The following ADGRE1 variants were observed in gnomAD, a reference collection of about 807,000 sequenced individuals.
ADGRE1 encodes the protein adhesion G protein-coupled receptor E1.
ADGRE1 carries 82 observed loss-of-function variants against 102.7 expected under a neutral mutation model. The observed-to-expected ratio is 0.80, with a 90% CI of 0.67 to 0.96. The LOEUF is 0.96. ADGRE1 is among the 40% of genes least tolerant of loss of function. ADGRE1 has a pLI of 0.00. For synonymous variants in ADGRE1, 398 were observed against 399.6 expected (o/e 1.00, Z 0.05); for missense variants, 1,032 against 1,085.3 (o/e 0.95, Z 0.69).
intron 12 of ADGRE1, among the ~76,000 whole-genome samples, chr19:6,917,509 T>G (rs1974438832): frequency 6.6e-6 from 1 of 151,476 alleles, no homozygotes; most frequent in African/African-American, 2.4e-5. Flanking sequence ...GAGGTGGAGG[T>G]GGGTGGATCA....
At chr19:6,909,623 C>T (rs369235888) in intron 10 of ADGRE1, among the ~76,000 whole-genome samples, 1 of 152,210 alleles carries the variant, frequency 6.6e-6, no homozygotes, top group African/African-American at 2.4e-5. Context: ...AGCACATTCT[C>T]ATTGCTGTAT....
rs1568354318 is a variant in ADGRE1 at position 6,919,603 on chromosome 19, G to A, written c.1476G>A (p.Glu492=). ...SFVGMESVLN[E]RFFKDHQAPL... is the part of the protein sequence containing the mutation. ...TGGGCATGGAATCGGTTTTAAATGAGCGCTTCTTCAAAGACCACCAGGCTC... is the reference window on the plus strand; with the variant it reads ...TGGGCATGGAATCGGTTTTAAATGAACGCTTCTTCAAAGACCACCAGGCTC... The change falls in exon 13 of 21, where the codon GAG becomes GAA. Residue 492 remains glutamate (E), a synonymous_variant. Coordinates refer to ENST00000312053, the MANE Select transcript of ADGRE1 (RefSeq NM_001974.5). The A allele has an allele frequency of 3.1e-6, 5 of 1,613,400 alleles. No individual in the cohort carries two copies. The highest frequency in any genetic ancestry group is 3.4e-6 in the Non-Finnish European group (4 of 1,179,908).
At chr19:6,929,053 C>T (rs1040076125) in intron 17 of ADGRE1, among the ~76,000 whole-genome samples, 2 of 152,114 alleles carry the variant, frequency 1.3e-5, no homozygotes, top group African/African-American at 4.8e-5. Flanking sequence ...GGCAAATACC[C>T]CTGGGAGGGA....
Position 6,924,813 on chromosome 19 carries a change from G to C in ADGRE1, c.1927G>C (p.Val643Leu), listed in dbSNP as rs369718261. The C allele has an allele frequency of 6.2e-7, 1 of 1,613,952 alleles. No individual in the cohort carries two copies. The change falls in exon 15 of 21, where the codon GTG becomes CTG. Residue 643 changes from valine (V) to leucine (L), a missense_variant. Transcript: ENST00000312053. Reference sequence around the variant, plus strand: ...CACCTACCTCCACCTGCACCTCTGCGTGTGTCTCCTCTTGGCGAAGACTCT... The same window carrying C: ...CACCTACCTCCACCTGCACCTCTGCCTGTGTCTCCTCTTGGCGAAGACTCT... Reference protein sequence around the residue: ...HNTYLHLHLCVCLLLAKTLFL... With the variant: ...HNTYLHLHLCLCLLLAKTLFL...
rs973896253 is a variant in ADGRE1, at chr19:6,926,926, G to A, written c.2222+325G>A. 2.0e-5 allele frequency among the ~76,000 whole-genome samples: 3 copies of A among 152,180 alleles called. No individual in the cohort carries two copies. The South Asian group carries it at 6.2e-4, about 32-fold the overall frequency. On this transcript the variant is annotated intron_variant, in intron 16 of 20. Coordinates refer to ENST00000312053, the MANE Select transcript of ADGRE1 (RefSeq NM_001974.5). ...GGGAAAGGAATACTTCTGCATGGTG[G>A]TGTGCACCTGTAATCCCAGCTACTC...
intron 13 of ADGRE1, 140 bp from the exon 14 acceptor site, chr19:6,921,573 A>G (rs1204632887): frequency 2.0e-6 from 2 of 1,000,824 alleles, no homozygotes; most frequent in Non-Finnish European, 2.8e-6. Context: ...GCATAATGAA[A>G]TACCAGCATT....
Position 6,924,689 on chromosome 19 carries a change from C to T in ADGRE1, c.1803C>T (p.Ser601=), listed in dbSNP as rs972254226. Reference sequence around the variant, plus strand: ...TTCCTTCCTGACAGATGGACTTTTCCTTGTACATCATTAGCCATGTAGGCA... The same window carrying T: ...TTCCTTCCTGACAGATGGACTTTTCTTTGTACATCATTAGCCATGTAGGCA... ...MASGELTMDF[S]LYIISHVGII... The change falls in exon 15 of 21, where the codon TCC becomes TCT. Residue 601 remains serine, a synonymous_variant. Coordinates refer to ENST00000312053, the MANE Select transcript of ADGRE1 (RefSeq NM_001974.5). 6.2e-7 allele frequency: 1 copy of T among 1,613,888 alleles called. No individual in the cohort carries two copies. The highest frequency in any genetic ancestry group is 8.5e-7 in the Non-Finnish European group (1 of 1,179,838).
intron 10 of ADGRE1, 32 bp from the exon 11 acceptor site, chr19:6,913,621 G>A: frequency 6.5e-7 from 1 of 1,535,694 alleles, no homozygotes; most frequent in Non-Finnish European, 8.8e-7. Context: ...GAGAGAGAGA[G>A]AGAGAATGAA....
chr19:6,908,608 G>C (rs1415032885), intron 9 of ADGRE1, 81 bp from the exon 10 acceptor site: 5 of 1,292,782 alleles, frequency 3.9e-6, no homozygotes, highest in Non-Finnish European at 5.3e-6. Context: ...GGCTTTATGG[G>C]CTAATTTGTA....
intron 10 of ADGRE1, among the ~76,000 whole-genome samples, chr19:6,911,566 CTA>C (rs1974184762): frequency 6.6e-6 from 1 of 151,412 alleles, no homozygotes; most frequent in Non-Finnish European, 1.5e-5. Flanking sequence ...GTATCTTCCC[CTA>C]TCTTTTTACC....
chr19:6,926,569 T>G lies in ADGRE1; in HGVS notation c.2190T>G (p.Ser730Arg). ...LPMLVVVISA[S>R]VQPQGYGMHN... ...TGCTGGTGGTGGTGATCTCTGCCAG[T>G]GTGCAGCCACAGGGCTATGGAATGC... is the stretch of plus-strand genomic sequence containing the variant. Residue 730 changes from serine to arginine, a missense_variant, in exon 16 of 21, where the codon AGT (serine) becomes AGG (arginine). Physicochemically the swap from Ser to Arg is moderately radical, Grantham distance 110. Coordinates refer to ENST00000312053, the MANE Select transcript of ADGRE1 (RefSeq NM_001974.5). 6.2e-7 allele frequency: 1 copy of G among 1,614,218 alleles called. No individual in the cohort carries two copies. Among genetic ancestry groups the G allele is most frequent in the South Asian group, 1.1e-5 (1 of 91,086 alleles).
chr19:6,901,802 C>T, intron 5 of ADGRE1, 73 bp from the exon 6 acceptor site: 1 of 1,488,126 alleles, frequency 6.7e-7, no homozygotes, highest in South Asian at 1.2e-5. Flanking sequence ...ACTCAGAGTG[C>T]ATCTCCTATT....
chr19:6,935,171 T>A (rs898897609), intron 18 of ADGRE1, 93 bp downstream of exon 18: 3 of 899,712 alleles, frequency 3.3e-6, no homozygotes, highest in Non-Finnish European at 4.9e-6. Context: ...CTGGGTCCTA[T>A]GCCTGAGACA....
rs1428716676 is a variant in ADGRE1 at position 6,903,870 on chromosome 19, G to T, written c.722G>T (p.Ser241Ile). ...INSTCTNTPG[S>I]YFCTCHPGFA... is the part of the protein sequence containing the mutation. The stretch of plus-strand genomic sequence containing the variant: ...TCAACATGCACCAACACTCCTGGGA[G>T]CTACTTTTGCACCTGCCACCCTGGC... The change falls in exon 7 of 21, where the codon AGC (serine) becomes ATC (isoleucine). Residue 241 changes from serine to isoleucine, a missense_variant. By Grantham distance (142) the Ser-to-Ile change is moderately radical. Transcript: ENST00000312053. 6.2e-7 allele frequency: 1 copy of T among 1,614,064 alleles called. No individual in the cohort carries two copies. The highest frequency in any genetic ancestry group is 1.3e-5 in the African/African-American group (1 of 74,932).
chr19:6,890,673 A>G lies in ADGRE1; in HGVS notation c.94+130A>G, dbSNP rs1973335814. On this transcript the variant is annotated intron_variant, in intron 2 of 20. Coordinates refer to ENST00000312053, the MANE Select transcript of ADGRE1 (RefSeq NM_001974.5). The stretch of plus-strand genomic sequence containing the variant: ...CTAGTTAGCGGCAGAGCAAGGGTTA[A>G]CATGCAAGTCTCCTGATTCTCACTT... 5.7e-6 allele frequency: 5 copies of G among 870,152 alleles called. No homozygotes were observed. In the South Asian group the frequency reaches 8.4e-5, roughly 15 times the overall value. 53.9% of individuals were successfully genotyped at this position (870,152 alleles called of 1,614,324 possible). A position where few individuals can be genotyped will look rare whatever the true frequency, so the allele number is the denominator to read the frequency against.
At chr19:6,918,269 G>T (rs36069820) in intron 12 of ADGRE1, among the ~76,000 whole-genome samples, 28,740 of 151,808 alleles carry the variant, frequency 0.19, 2,815 homozygotes, top group Middle Eastern at 0.31. Context: ...GTGAAACCCC[G>T]TCTCCACTAA....
At chr19:6,929,077 C>T (rs147502153) in intron 17 of ADGRE1, among the ~76,000 whole-genome samples, 102 of 152,210 alleles carry the variant, frequency 6.7e-4, no homozygotes, top group African/African-American at 2.2e-3. Context: ...TAATTGTATC[C>T]GTCTTGTGCA....
chr19:6,939,972 G>C (rs372028235), intron 20 of ADGRE1, 52 bp from the exon 21 acceptor site: 2 of 1,605,014 alleles, frequency 1.2e-6, no homozygotes, highest in Non-Finnish European at 1.7e-6. Flanking sequence ...TTGGAATCAC[G>C]TTTGTATTAA....
At position 6,908,760 on chromosome 19, in the gene ADGRE1, A is replaced by C; in HGVS notation, c.1110A>C (p.Val370=). 1 of 1,609,648 alleles carries C rather than the reference A, an allele frequency of 6.2e-7. No homozygotes were observed. Among genetic ancestry groups the C allele is most frequent in the Non-Finnish European group, 8.5e-7 (1 of 1,178,996 alleles). ...AAGTGTGTGAAAATAAAACGACCGT[A>C]GTTTCTCTGAAGGTAACGATTGGGT... ...LDKVCENKTT[V]VSLKNTTESF... is the part of the protein sequence containing the mutation. The change falls in exon 10 of 21, where the codon GTA becomes GTC. Residue 370 remains valine (V), a synonymous_variant. Transcript: ENST00000312053.
Sources: gnomAD v4.1 joint callset for allele counts (sites outside exome capture counted in the v4.1 genomes callset) on GRCh38, gnomAD v4.1.1 for gene constraint, MANE v1.5 for transcripts, NCBI Gene and HGNC (gene_info 2026-07-23, HGNC 2026-07-21) for gene names.